MYPN: variants seen among roughly 807,000 people sequenced by gnomAD.
MYPN encodes sarcomeric protein myopalladin, 145 kDa (MYOP).
MYPN carries 63 observed loss-of-function variants against 129.4 expected under a neutral mutation model. That is an observed-to-expected ratio of 0.49 (90% CI 0.40 to 0.60). The LOEUF (loss-of-function observed/expected upper bound fraction) is 0.60, where lower values mean the gene tolerates loss of function less well. Among genes scored for constraint, MYPN ranks in the 20% least tolerant of loss-of-function variants. MYPN has a pLI of 0.00. For synonymous variants in MYPN, 629 were observed against 600.9 expected (o/e 1.05, Z -0.68); for missense variants, 1,596 against 1,635.4 (o/e 0.98, Z 0.42).
At chr10:68,113,780 T>C (rs1320118898) in intron 1 of MYPN, among the ~76,000 whole-genome samples, 3 of 152,132 alleles carry the variant, frequency 2.0e-5, no homozygotes, top group African/African-American at 7.2e-5. Flanking sequence ...AATTAAAAAT[T>C]GTATATATTT....
At chr10:68,208,366 T>A (rs933286424) in intron 19 of MYPN, among the ~76,000 whole-genome samples, 2 of 152,308 alleles carry the variant, frequency 1.3e-5, no homozygotes, top group South Asian at 2.1e-4. Flanking sequence ...GTCTAGTTTT[T>A]GGAGAAAATA....
At chr10:68,185,256 G>A (rs2043403180) in intron 12 of MYPN, among the ~76,000 whole-genome samples, 1 of 151,604 alleles carries the variant, frequency 6.6e-6, no homozygotes, top group Non-Finnish European at 1.5e-5. Context: ...AAGGAAAAAA[G>A]AAAAGAGAAA....
intron 1 of MYPN, among the ~76,000 whole-genome samples, chr10:68,113,008 GA>G: frequency 6.6e-6 from 1 of 152,312 alleles, no homozygotes; most frequent in Middle Eastern, 3.4e-3. Flanking sequence ...TCTCTAGGGT[GA>G]TATCATTGGA....
chr10:68,182,241 TATATATAACACACATATATATATAAC>T (rs2043325776), intron 12 of MYPN, among the ~76,000 whole-genome samples: 1 of 81,168 alleles, frequency 1.2e-5, no homozygotes, highest in Non-Finnish European at 2.6e-5. Context: ...ATATATAACA[TATATATAACACACATATATATATAAC>T]ATATATATAA....
In MYPN at chr10:68,206,640, G is replaced by A. The variant is rs71541555; in HGVS notation, c.3660-130G>A. 921 of 1,262,218 alleles carry A rather than the reference G, an allele frequency of 7.3e-4. 2 individuals are homozygous for A. The highest frequency in any genetic ancestry group is 9.2e-4 in the Non-Finnish European group (793 of 865,124). 78.2% of individuals were successfully genotyped at this position (1,262,218 alleles called of 1,614,324 possible). A position where few individuals can be genotyped will look rare whatever the true frequency, so the allele number is the denominator to read the frequency against. ...AAGCTCACTGCTGCTCTTCTTTGACGTCTTCCACCTTCAAATTTGTCTTGA... is the reference window on the plus strand; with the variant it reads ...AAGCTCACTGCTGCTCTTCTTTGACATCTTCCACCTTCAAATTTGTCTTGA... On this transcript the variant is annotated intron_variant, in intron 18 of 19. Coordinates refer to ENST00000358913, the MANE Select transcript of MYPN (RefSeq NM_032578.4).
At chr10:68,099,984 C>T (rs190764935) in intron 1 of MYPN, among the ~76,000 whole-genome samples, 1 of 152,324 alleles carries the variant, frequency 6.6e-6, no homozygotes, top group East Asian at 1.9e-4. Flanking sequence ...TGAATCACAG[C>T]TCTGAGTGGC....
chr10:68,179,814 C>G (rs1163921868), intron 12 of MYPN, among the ~76,000 whole-genome samples: 2 of 152,100 alleles, frequency 1.3e-5, no homozygotes. Flanking sequence ...CAGGTGCAAG[C>G]CACCACACCC....
At chr10:68,199,705 G>C (rs1283260967) in intron 17 of MYPN, 130 bp downstream of exon 17, 12 of 889,582 alleles carry the variant, frequency 1.3e-5, no homozygotes, top group Non-Finnish European at 2.0e-5. Flanking sequence ...CTTCACTGTG[G>C]TAGGGGTGGT....
At chr10:68,153,775 GC>G (rs2042818876) in intron 6 of MYPN, among the ~76,000 whole-genome samples, 1 of 152,190 alleles carries the variant, frequency 6.6e-6, no homozygotes, top group Non-Finnish European at 1.5e-5. Context: ...GTGGCTATGA[GC>G]CATGATAACA....
intron 2 of MYPN, among the ~76,000 whole-genome samples, chr10:68,138,253 T>C (rs1239648406): frequency 2.0e-5 from 3 of 151,556 alleles, no homozygotes; most frequent in African/African-American, 7.3e-5. Flanking sequence ...CAGGTGTGCA[T>C]CACCATGCCC....
chr10:68,180,247 G>T (rs139790159), intron 12 of MYPN, among the ~76,000 whole-genome samples: 1 of 152,120 alleles, frequency 6.6e-6, no homozygotes, highest in Non-Finnish European at 1.5e-5. Flanking sequence ...ATGCAGTGGC[G>T]CATTCTCTGC....
In MYPN at chr10:68,174,602, T is replaced by A. The variant is rs1308424375; in HGVS notation, c.2510T>A (p.Leu837His). 1.2e-6 allele frequency: 2 copies of A among 1,614,140 alleles called. No homozygotes were observed. The highest frequency in any genetic ancestry group is 4.5e-5 in the East Asian group (2 of 44,884). ...TTCCTCAGCTCTGTTCTGCCTTCTCTCCCTGCCATCCCACCCACAAATGCC... is the reference window on the plus strand; with the variant it reads ...TTCCTCAGCTCTGTTCTGCCTTCTCACCCTGCCATCCCACCCACAAATGCC... ...VAFLSSVLPS[L>H]PAIPPTNAMG... is the part of the protein sequence containing the mutation. Residue 837 changes from leucine (L) to histidine (H), a missense_variant, in exon 11 of 20, where the codon CTC becomes CAC. Leu to His is a moderately conservative substitution (Grantham distance 99). Coordinates refer to ENST00000358913, the MANE Select transcript of MYPN (RefSeq NM_032578.4).
At chr10:68,194,214 T>G in intron 13 of MYPN, 149 bp from the exon 14 acceptor site, 2 of 688,856 alleles carry the variant, frequency 2.9e-6, no homozygotes, top group Non-Finnish European at 4.9e-6. Flanking sequence ...ACAGCCATTT[T>G]TAATATGTTT....
chr10:68,194,006 C>CT (rs2043560311), intron 13 of MYPN, among the ~76,000 whole-genome samples: 1 of 151,512 alleles, frequency 6.6e-6, no homozygotes, highest in Non-Finnish European at 1.5e-5. Context: ...ATGAGAATAT[C>CT]CACTCTCCTG....
At chr10:68,102,941 A>G (rs938986728), upstream of MYPN, among the ~76,000 whole-genome samples, 4 of 152,220 alleles carry the variant, frequency 2.6e-5, no homozygotes, top group African/African-American at 9.6e-5. Flanking sequence ...TGTCTAGCCT[A>G]AAAGATGAAG....
In MYPN at chr10:68,201,513, C is replaced by T. The variant is rs2490934; in HGVS notation, c.3494-316C>T. The stretch of plus-strand genomic sequence containing the variant: ...CAGGCACAGTGGCTTATGCCTGTAA[C>T]CCCAGCACTTTGGGAGGCCAAGGCG... On this transcript the variant is annotated intron_variant, in intron 17 of 19. Transcript: ENST00000358913. Among the ~76,000 whole-genome samples, 152,324 of 152,324 alleles carry T rather than the reference C, an allele frequency of 1. 76,162 individuals are homozygous for T. Among genetic ancestry groups the T allele is most frequent in the Non-Finnish European group, 1 (68,038 of 68,038 alleles).
At chr10:68,172,783 G>A (rs1421778974) in intron 10 of MYPN, among the ~76,000 whole-genome samples, 2 of 152,118 alleles carry the variant, frequency 1.3e-5, no homozygotes, top group South Asian at 4.2e-4. Flanking sequence ...TATTAATAAT[G>A]ATGTCAGGGC....
At chr10:68,125,057 C>T (rs11594912) in intron 2 of MYPN, among the ~76,000 whole-genome samples, 1 of 152,152 alleles carries the variant, frequency 6.6e-6, no homozygotes, top group Non-Finnish European at 1.5e-5. Context: ...AAAAATTAGA[C>T]CAGATCATTC....
intron 1 of MYPN, among the ~76,000 whole-genome samples, chr10:68,118,275 C>G (rs2133983624): frequency 6.6e-6 from 1 of 152,164 alleles, no homozygotes; most frequent in East Asian, 1.9e-4. Flanking sequence ...AGTTGAATAC[C>G]CATTATAGTG....
Sources: gnomAD v4.1 joint callset for allele counts (sites outside exome capture counted in the v4.1 genomes callset) on GRCh38, gnomAD v4.1.1 for gene constraint, MANE v1.5 for transcripts, NCBI Gene and HGNC (gene_info 2026-07-23, HGNC 2026-07-21) for gene names.